Variants in PPP1R14C observed in about 807,000 individuals in gnomAD.
The protein encoded by PPP1R14C is protein phosphatase 1 regulatory subunit 14C.
A neutral mutation model predicts 20.4 loss-of-function variants in PPP1R14C; 16 were observed. The ratio of observed to expected loss-of-function variants is 0.78; its 90% confidence interval spans 0.53 to 1.19. PPP1R14C has a LOEUF of 1.19. Ranked by LOEUF, PPP1R14C falls within the 50% of genes most tolerant of loss-of-function variation. The probability of loss-of-function intolerance (pLI) is 0.00; values close to 1 mark genes in which losing one functional copy is unlikely to be tolerated. For synonymous variants in PPP1R14C, 91 were observed against 91.0 expected, an observed-to-expected ratio of 1.00 and a Z score of 0.00; for missense variants, 211 against 220.1, an observed-to-expected ratio of 0.96 and a Z score of 0.26.
chr6:150,248,264 T>C (rs1420548982), intron 3 of PPP1R14C, among the ~76,000 whole-genome samples: 1 of 152,186 alleles, frequency 6.6e-6, no homozygotes, highest in East Asian at 1.9e-4. Context: ...GCAGTCCCCC[T>C]GGTGATTCTG....
At chr6:150,245,471 C>T (rs940445446) in intron 3 of PPP1R14C, among the ~76,000 whole-genome samples, 3 of 152,178 alleles carry the variant, frequency 2.0e-5, no homozygotes, top group Admixed American at 6.5e-5. Flanking sequence ...CACAGTCACC[C>T]TGTCCATTCT....
intron 3 of PPP1R14C, among the ~76,000 whole-genome samples, chr6:150,241,179 A>C (rs1778427136): frequency 6.6e-6 from 1 of 152,138 alleles, no homozygotes; most frequent in African/African-American, 2.4e-5. Context: ...GATCATGCCT[A>C]TATGATAAAG....
intron 1 of PPP1R14C, among the ~76,000 whole-genome samples, chr6:150,168,873 T>C (rs1025932670): frequency 1.3e-5 from 2 of 152,200 alleles, no homozygotes; most frequent in Admixed American, 6.5e-5. Flanking sequence ...AACATATCGA[T>C]AGAAAATTAT....
rs1019186994 is a variant in PPP1R14C, at chr6:150,238,315, A to G, written c.424-10431A>G. On this transcript the variant is annotated intron_variant, in intron 3 of 3. Transcript: ENST00000361131. ...GGAAACTAGAATGGCCAGATCTTAG[A>G]AACTGGTGGAGAGGCAGTCAGTTAA... Among the ~76,000 whole-genome samples, 4 of 152,368 alleles carry G rather than the reference A, an allele frequency of 2.6e-5. No homozygotes were observed. In the East Asian group the frequency reaches 7.7e-4, roughly 29 times the overall value.
chr6:150,197,204 G>T (rs1375085943), intron 1 of PPP1R14C, among the ~76,000 whole-genome samples: 1 of 152,224 alleles, frequency 6.6e-6, no homozygotes, highest in Non-Finnish European at 1.5e-5. Context: ...GGATGAGGGA[G>T]TCTGTGGAAG....
chr6:150,197,368 C>T lies in PPP1R14C; in HGVS notation c.307-17376C>T, dbSNP rs574613721. Among the ~76,000 whole-genome samples the T allele has an allele frequency of 1.5e-4, 23 of 152,364 alleles. No individual in the cohort carries two copies. The South Asian group carries it at 2.1e-3, about 14-fold the overall frequency. Reference sequence around the variant, plus strand: ...GTTAAACTGTGGGCCTCTTACCCACCGCAGTCACTCCCTGGAGGTGGCCTC... The same window carrying T: ...GTTAAACTGTGGGCCTCTTACCCACTGCAGTCACTCCCTGGAGGTGGCCTC... On this transcript the variant is annotated intron_variant, in intron 1 of 3. Transcript: ENST00000361131.
intron 1 of PPP1R14C, among the ~76,000 whole-genome samples, chr6:150,150,725 C>T (rs1423442205): frequency 6.6e-6 from 1 of 152,258 alleles, no homozygotes; most frequent in Non-Finnish European, 1.5e-5. Context: ...CCCTCCCAGT[C>T]TCCTCCTCTG....
At chr6:150,162,529 C>T (rs916522572) in intron 1 of PPP1R14C, among the ~76,000 whole-genome samples, 6 of 72,156 alleles carry the variant, frequency 8.3e-5, no homozygotes, top group Non-Finnish European at 1.5e-4. Flanking sequence ...CTTGATAGCT[C>T]CATCTTTTTA....
intron 3 of PPP1R14C, among the ~76,000 whole-genome samples, chr6:150,235,286 C>T (rs1321969911): frequency 2.0e-5 from 3 of 152,150 alleles, no homozygotes; most frequent in Admixed American, 6.5e-5. Flanking sequence ...GATGGGATCT[C>T]GCTTTATTAC....
chr6:150,149,443 A>ATTTTTTTTT (rs1216146263), intron 1 of PPP1R14C, among the ~76,000 whole-genome samples: 10 of 119,948 alleles, frequency 8.3e-5, no homozygotes, highest in African/African-American at 3.0e-4. Context: ...CTCCCACCTA[A>ATTTTTTTTT]TTTTTTTTTT....
At chr6:150,148,377 C>T (rs1221371755) in intron 1 of PPP1R14C, among the ~76,000 whole-genome samples, 2 of 152,206 alleles carry the variant, frequency 1.3e-5, no homozygotes, top group African/African-American at 4.8e-5. Flanking sequence ...TAACAAATGG[C>T]CTGTCCTGCC....
At chr6:150,196,239 A>C in intron 1 of PPP1R14C, 1 of 520,346 alleles carries the variant, frequency 1.9e-6, no homozygotes, top group Non-Finnish European at 2.5e-6. Flanking sequence ...GCAACAATAA[A>C]TCTTCAGCCC....
chr6:150,238,068 A>G (rs1351838358), intron 3 of PPP1R14C, among the ~76,000 whole-genome samples: 3 of 152,198 alleles, frequency 2.0e-5, no homozygotes, highest in Admixed American at 2.0e-4. Flanking sequence ...GTCCCTGCCC[A>G]GGGCTGAGCA....
intron 1 of PPP1R14C, among the ~76,000 whole-genome samples, chr6:150,148,928 G>A (rs1777210320): frequency 6.6e-6 from 1 of 152,114 alleles, no homozygotes; most frequent in Non-Finnish European, 1.5e-5. Flanking sequence ...GCCAAAGATG[G>A]TGGCATGCGC....
intron 3 of PPP1R14C, among the ~76,000 whole-genome samples, chr6:150,247,586 G>A (rs553520172): frequency 4.6e-5 from 7 of 152,198 alleles, no homozygotes; most frequent in African/African-American, 1.7e-4. Context: ...AGAGTGCATG[G>A]CATGTAGTAA....
In PPP1R14C at chr6:150,188,478, T is replaced by C. The variant is rs1048857333; in HGVS notation, c.307-26266T>C. Among the ~76,000 whole-genome samples, 30 of 141,248 alleles carry C rather than the reference T, an allele frequency of 2.1e-4. 1 individual carries two copies. The highest frequency in any genetic ancestry group is 1.2e-3 in the Admixed American group (16 of 13,032). 92.7% of individuals were successfully genotyped at this position (141,248 alleles called of 152,430 possible). ...CGGTGTGGGAACAGAAGAACAGGAATTACCTTTTTTTTTTTTTTTTTTTTT... is the reference window on the plus strand; with the variant it reads ...CGGTGTGGGAACAGAAGAACAGGAACTACCTTTTTTTTTTTTTTTTTTTTT... On this transcript the variant is annotated intron_variant, in intron 1 of 3. Transcript: ENST00000361131.
At chr6:150,153,799 A>C (rs766277862) in intron 1 of PPP1R14C, among the ~76,000 whole-genome samples, 1 of 152,226 alleles carries the variant, frequency 6.6e-6, no homozygotes, top group African/African-American at 2.4e-5. Context: ...ATTAAGAAAC[A>C]GCTTCTTCAT....
intron 1 of PPP1R14C, among the ~76,000 whole-genome samples, chr6:150,160,738 T>G (rs1370804788): frequency 2.0e-5 from 3 of 152,188 alleles, no homozygotes; most frequent in African/African-American, 7.2e-5. Context: ...TTGTCTTGGA[T>G]TATAATTCAA....
At chr6:150,244,150 A>T (rs984069670) in intron 3 of PPP1R14C, among the ~76,000 whole-genome samples, 1 of 142,810 alleles carries the variant, frequency 7.0e-6, no homozygotes, top group Non-Finnish European at 1.5e-5. Context: ...CATTTCAATT[A>T]TGCCTTAATA....
Sources: allele counts gnomAD v4.1 joint callset (sites outside exome capture counted in the v4.1 genomes callset), GRCh38; gene constraint gnomAD v4.1.1; transcripts MANE v1.5; gene names NCBI Gene and HGNC (gene_info 2026-07-23, HGNC 2026-07-21).